TNS3: variants seen among roughly 807,000 people sequenced by gnomAD.
TNS3 encodes tensin-3.
TNS3 carries 45 observed loss-of-function variants against 140.9 expected under a neutral mutation model. The ratio of observed to expected loss-of-function variants is 0.32; its 90% CI spans 0.25 to 0.41. The LOEUF (loss-of-function observed/expected upper bound fraction) is 0.41, where lower values mean the gene tolerates loss of function less well. Among genes scored for constraint, TNS3 ranks in the 10% least tolerant of loss-of-function variants. The probability of loss-of-function intolerance (pLI) is 1.00; values close to 1 mark genes in which losing one functional copy is unlikely to be tolerated. For synonymous variants in TNS3, 815 were observed against 788.4 expected (o/e 1.03, Z -0.56); for missense variants, 1,716 against 1,906.7 (o/e 0.90, Z 1.86).
At chr7:47,565,901 C>T (rs1206106553) in intron 1 of TNS3, among the ~76,000 whole-genome samples, 3 of 152,108 alleles carry the variant, frequency 2.0e-5, no homozygotes, top group East Asian at 1.9e-4. Flanking sequence ...CTCACACGGG[C>T]GCTGGGAGGC....
intron 4 of TNS3, among the ~76,000 whole-genome samples, chr7:47,447,068 A>ATGGGCCCCATGGGCCTCATGGCC (rs570944606): frequency 6.6e-6 from 1 of 151,432 alleles, no homozygotes; most frequent in Non-Finnish European, 1.5e-5. Flanking sequence ...CCATGGGCTC[A>ATGGGCCCCATGGGCCTCATGGCC]ATGAGGTCAA....
intron 1 of TNS3, among the ~76,000 whole-genome samples, chr7:47,548,554 A>C (rs1799982406): frequency 6.6e-6 from 1 of 152,012 alleles, no homozygotes; most frequent in Non-Finnish European, 1.5e-5. Context: ...CCATCTCCTG[A>C]TGCATTTTCT....
intron 10 of TNS3, among the ~76,000 whole-genome samples, chr7:47,420,038 TA>T (rs1794288941): frequency 6.6e-6 from 1 of 152,238 alleles, no homozygotes; most frequent in Admixed American, 6.5e-5. Context: ...AAATCGGCTA[TA>T]TCTGGGCATT....
intron 16 of TNS3, among the ~76,000 whole-genome samples, chr7:47,394,483 G>T (rs1792711920): frequency 6.6e-6 from 1 of 152,238 alleles, no homozygotes. Flanking sequence ...CACGCTTGTT[G>T]TTTAAGACAC....
chr7:47,566,393 A>G (rs1800429247), intron 1 of TNS3, among the ~76,000 whole-genome samples: 1 of 152,186 alleles, frequency 6.6e-6, no homozygotes, highest in African/African-American at 2.4e-5. Flanking sequence ...GGTTTGAGAA[A>G]AGGCACACAT....
chr7:47,283,872 G>C lies in TNS3; in HGVS notation c.3929-7C>G. 1 of 1,570,476 alleles carries C rather than the reference G, an allele frequency of 6.4e-7. No individual in the cohort carries two copies. Among genetic ancestry groups the C allele is most frequent in the South Asian group, 1.2e-5 (1 of 82,724 alleles). On this transcript the variant is annotated splice_region_variant and splice_polypyrimidine_tract_variant and intron_variant, in intron 27 of 30. Transcript: ENST00000311160. ...AAGTACCACACATTGCAGGCTGGAA[G>C]ACACCAAGGGAGACACATGTTAGTT... is the stretch of plus-strand genomic sequence containing the variant.
intron 4 of TNS3, among the ~76,000 whole-genome samples, chr7:47,443,924 C>T (rs1221846823): frequency 6.6e-6 from 1 of 151,978 alleles, no homozygotes; most frequent in Non-Finnish European, 1.5e-5. Context: ...CTGTCCCAAA[C>T]AAATAAACAA....
intron 5 of TNS3, among the ~76,000 whole-genome samples, chr7:47,441,677 C>A (rs1334791504): frequency 6.6e-6 from 1 of 152,116 alleles, no homozygotes; most frequent in Non-Finnish European, 1.5e-5. Flanking sequence ...TGGCTCAGGG[C>A]CCCCCTCATC....
intron 17 of TNS3, among the ~76,000 whole-genome samples, chr7:47,349,197 CAA>C: frequency 6.6e-6 from 1 of 151,578 alleles, no homozygotes; most frequent in Non-Finnish European, 1.5e-5. Context: ...GTTCTTCATT[CAA>C]AAAGAGTCTC....
chr7:47,365,424 G>A (rs1309063253), intron 17 of TNS3, among the ~76,000 whole-genome samples: 13 of 146,378 alleles, frequency 8.9e-5, no homozygotes, highest in East Asian at 4.1e-4. Flanking sequence ...CAGCCTGGGC[G>A]ACAGAGCAAG....
chr7:47,513,292 CT>C (rs1798670546), intron 2 of TNS3, among the ~76,000 whole-genome samples: 1 of 152,132 alleles, frequency 6.6e-6, no homozygotes, highest in South Asian at 2.1e-4. Flanking sequence ...GCCTCAGCCT[CT>C]AGGGTAGCTG....
intron 1 of TNS3, 133 bp from the exon 2 acceptor site, chr7:47,529,280 G>A (rs1799309499): frequency 2.2e-6 from 1 of 455,768 alleles, no homozygotes; most frequent in Non-Finnish European, 3.6e-6. Flanking sequence ...AGCAAACAGA[G>A]AACAAGAAAC....
chr7:47,441,761 C>T (rs1271780523), intron 5 of TNS3, among the ~76,000 whole-genome samples: 3 of 152,210 alleles, frequency 2.0e-5, no homozygotes, highest in Non-Finnish European at 4.4e-5. Flanking sequence ...CAGGCCTCAG[C>T]AGTGCAATTA....
In TNS3 at chr7:47,311,000, T is replaced by C. The variant is rs1787055509; in HGVS notation, c.2651-5997A>G. Among the ~76,000 whole-genome samples the C allele has an allele frequency of 2.2e-5, 3 of 137,982 alleles. No homozygotes were observed. The South Asian group carries it at 7.6e-4, about 35-fold the overall frequency. 90.5% of individuals were successfully genotyped at this position (137,982 alleles called of 152,430 possible). ...GAAATTTGGGTTGGTTCCAAGTCTT[T>C]GCTGTTGTGAATAGTTCGCAATAAG... On this transcript the variant is annotated intron_variant, in intron 20 of 30. Transcript: ENST00000311160.
chr7:47,469,601 T>C (rs1796861535), intron 4 of TNS3, among the ~76,000 whole-genome samples: 2 of 152,200 alleles, frequency 1.3e-5, no homozygotes, highest in Non-Finnish European at 1.5e-5. Context: ...CATGCACTCA[T>C]ATGTTCATCA....
At position 47,411,804 on chromosome 7, in the gene TNS3, T is replaced by C; in HGVS notation, c.648-2A>G. On this transcript the variant is annotated splice_acceptor_variant, in intron 12 of 30. Transcript: ENST00000311160. LOFTEE classifies it high-confidence loss of function. ...CTGGGGTTTTCTGGGCCAACGTTGC[T>C]TTGGGATGAAGAAGAAGGTAGATCA... is the stretch of plus-strand genomic sequence containing the variant. 2 of 1,613,248 alleles carry C rather than the reference T, an allele frequency of 1.2e-6. No individual in the cohort carries two copies. Among genetic ancestry groups the C allele is most frequent in the Non-Finnish European group, 1.7e-6 (2 of 1,179,638 alleles).
chr7:47,574,882 T>C (rs1036874782), intron 1 of TNS3, among the ~76,000 whole-genome samples: 2 of 152,134 alleles, frequency 1.3e-5, no homozygotes, highest in Non-Finnish European at 2.9e-5. Context: ...AGTTAGTGCT[T>C]AAGGGACACC....
At chr7:47,441,931 C>T in intron 5 of TNS3, 72 bp downstream of exon 5, 2 of 1,111,516 alleles carry the variant, frequency 1.8e-6, no homozygotes, top group Non-Finnish European at 2.4e-6. Flanking sequence ...TGATGCCATG[C>T]CCAAGTTTCC....
intron 5 of TNS3, among the ~76,000 whole-genome samples, chr7:47,440,378 C>T (rs1331701915): frequency 1.3e-5 from 2 of 152,178 alleles, no homozygotes; most frequent in Non-Finnish European, 1.5e-5. Flanking sequence ...GGGACCCCAC[C>T]CAGCTAGCCA....
Sources: allele counts gnomAD v4.1 joint callset (sites outside exome capture counted in the v4.1 genomes callset), GRCh38; gene constraint gnomAD v4.1.1; transcripts MANE v1.5; gene names NCBI Gene and HGNC (gene_info 2026-07-23, HGNC 2026-07-21).